The following CRTC3 variants were observed in gnomAD, a reference collection of about 807,000 sequenced individuals.
CRTC3 encodes the protein CREB-regulated transcription coactivator 3.
A neutral mutation model predicts 74.5 loss-of-function variants in CRTC3; 26 were observed. The ratio of observed to expected loss-of-function variants is 0.35; its 90% CI spans 0.26 to 0.48. CRTC3 has a LOEUF of 0.48. Among genes scored for constraint, CRTC3 ranks in the 20% least tolerant of loss-of-function variants. CRTC3 has a pLI of 0.99. For synonymous variants in CRTC3, 377 were observed against 325.8 expected, an observed-to-expected ratio of 1.16 and a Z score of -1.69; for missense variants, 760 against 787.3, an observed-to-expected ratio of 0.97 and a Z score of 0.41.
intron 8 of CRTC3, 57 bp downstream of exon 8, chr15:90,618,025 C>A: frequency 1.7e-6 from 2 of 1,179,676 alleles, no homozygotes; most frequent in South Asian, 2.5e-5. Flanking sequence ...ACTTAGAGGT[C>A]ATTGAAAAAT....
chr15:90,598,274 C>A, intron 3 of CRTC3: 1 of 600,728 alleles, frequency 1.7e-6, no homozygotes, highest in South Asian at 2.0e-5. Context: ...CTCACCCAGC[C>A]GCAGGTCAAG....
intron 4 of CRTC3, among the ~76,000 whole-genome samples, chr15:90,604,006 A>C (rs1337772583): frequency 6.6e-6 from 1 of 152,188 alleles, no homozygotes; most frequent in African/African-American, 2.4e-5. Flanking sequence ...TAATATTTTC[A>C]TACCCTGGGC....
At chr15:90,609,461 G>A (rs1467118844) in intron 6 of CRTC3, among the ~76,000 whole-genome samples, 1 of 152,168 alleles carries the variant, frequency 6.6e-6, no homozygotes. Flanking sequence ...AATCTCCATG[G>A]ACCGGGAGCC....
intron 2 of CRTC3, among the ~76,000 whole-genome samples, chr15:90,559,389 C>T (rs1386707309): frequency 6.6e-6 from 1 of 152,172 alleles, no homozygotes; most frequent in Admixed American, 6.5e-5. Flanking sequence ...TCCACTAGAG[C>T]AGCAAGTTAG....
intron 2 of CRTC3, among the ~76,000 whole-genome samples, chr15:90,548,227 C>T (rs1306923945): frequency 6.6e-6 from 1 of 152,200 alleles, no homozygotes; most frequent in Non-Finnish European, 1.5e-5. Context: ...CCTTTCAAAT[C>T]ATATCACTAA....
At chr15:90,598,894 A>G (rs1229340741) in intron 3 of CRTC3, 3 of 196,468 alleles carry the variant, frequency 1.5e-5, no homozygotes, top group Non-Finnish European at 3.2e-5. Context: ...TGAGGCTCTT[A>G]GGAAGCGCCT....
At chr15:90,599,853 A>C (rs1278419140) in intron 3 of CRTC3, among the ~76,000 whole-genome samples, 1 of 152,226 alleles carries the variant, frequency 6.6e-6, no homozygotes, top group Admixed American at 6.5e-5. Context: ...CAGTGTACTG[A>C]GAAAAATGGT....
intron 6 of CRTC3, 34 bp from the exon 7 acceptor site, chr15:90,614,418 AG>A: frequency 6.6e-7 from 1 of 1,507,478 alleles, no homozygotes; most frequent in Non-Finnish European, 9.2e-7. Flanking sequence ...ACCACATAAA[AG>A]TGTTTTCTTT....
intron 2 of CRTC3, among the ~76,000 whole-genome samples, chr15:90,577,875 A>AG (rs992263850): frequency 7.7e-4 from 118 of 152,260 alleles, no homozygotes; most frequent in African/African-American, 2.7e-3. Flanking sequence ...CAGGAAAGGG[A>AG]GAGGGGGATG....
rs112031461 is a variant in CRTC3 at position 90,642,995 on chromosome 15, G to A, written c.*855G>A. 9.7e-3 allele frequency: 2,248 copies of A among 232,640 alleles called. 26 individuals are homozygous for A. The highest frequency in any genetic ancestry group is 0.015 in the Non-Finnish European group (1,739 of 117,708). 14.4% of individuals were successfully genotyped at this position (232,640 alleles called of 1,614,324 possible). A position where few individuals can be genotyped will look rare whatever the true frequency, so the allele number is the denominator to read the frequency against. On this transcript the variant is annotated 3_prime_UTR_variant, in exon 15 of 15. Coordinates refer to ENST00000268184, the MANE Select transcript of CRTC3 (RefSeq NM_022769.5). ...TCCCCACTAAGAGCAGCCAGAGGGAGCTGGTGAGGCCCTAACCCCACCCAC... is the reference window on the plus strand; with the variant it reads ...TCCCCACTAAGAGCAGCCAGAGGGAACTGGTGAGGCCCTAACCCCACCCAC...
chr15:90,632,950 G>A (rs1377066489), intron 11 of CRTC3, among the ~76,000 whole-genome samples: 4 of 152,044 alleles, frequency 2.6e-5, no homozygotes, highest in Non-Finnish European at 5.9e-5. Context: ...TTTGGTGTTA[G>A]GCATTATCTA....
intron 7 of CRTC3, among the ~76,000 whole-genome samples, chr15:90,615,677 G>A (rs1420666950): frequency 6.6e-6 from 1 of 152,112 alleles, no homozygotes; most frequent in Non-Finnish European, 1.5e-5. Context: ...TAAAAACAAT[G>A]AACTCTAAGA....
intron 2 of CRTC3, among the ~76,000 whole-genome samples, chr15:90,559,484 C>T (rs547173748): frequency 1.3e-5 from 2 of 152,310 alleles, no homozygotes; most frequent in East Asian, 3.9e-4. Flanking sequence ...CCTCTCTAAA[C>T]TTTAATATCC....
intron 11 of CRTC3, among the ~76,000 whole-genome samples, chr15:90,632,696 C>T (rs1969084037): frequency 1.3e-5 from 2 of 152,280 alleles, no homozygotes; most frequent in Admixed American, 6.5e-5. Context: ...CCTCCACCTC[C>T]CAGGTTCAAG....
At chr15:90,592,543 T>C (rs886540600) in intron 2 of CRTC3, among the ~76,000 whole-genome samples, 1 of 152,238 alleles carries the variant, frequency 6.6e-6, no homozygotes, top group Non-Finnish European at 1.5e-5. Flanking sequence ...GTCTCAAAAA[T>C]GTTAAGAACG....
intron 11 of CRTC3, chr15:90,634,639 G>A (rs543131909): frequency 2.2e-5 from 12 of 535,596 alleles, no homozygotes; most frequent in South Asian, 8.3e-5. Context: ...TCAGTGCTCT[G>A]CTCATGTTTA....
At chr15:90,542,704 A>T (rs1215122882) in intron 2 of CRTC3, among the ~76,000 whole-genome samples, 1 of 152,210 alleles carries the variant, frequency 6.6e-6, no homozygotes, top group African/African-American at 2.4e-5. Context: ...TTCAGTTCAG[A>T]ATCACATGCA....
At chr15:90,627,989 G>C (rs971810922) in intron 10 of CRTC3, among the ~76,000 whole-genome samples, 1 of 150,150 alleles carries the variant, frequency 6.7e-6, no homozygotes, top group African/African-American at 2.4e-5. Flanking sequence ...AGGCCGAGGC[G>C]AGTGGATCAC....
chr15:90,627,302 A>G (rs1169499230), intron 10 of CRTC3, among the ~76,000 whole-genome samples: 1 of 152,140 alleles, frequency 6.6e-6, no homozygotes, highest in Non-Finnish European at 1.5e-5. Flanking sequence ...CTCAGTTTTG[A>G]TATTTATACA....
Sources: allele counts gnomAD v4.1 joint callset (sites outside exome capture counted in the v4.1 genomes callset), GRCh38; gene constraint gnomAD v4.1.1; transcripts MANE v1.5; gene names NCBI Gene and HGNC (gene_info 2026-07-23, HGNC 2026-07-21).